STPG2: variants seen among roughly 807,000 people sequenced by gnomAD.
The protein encoded by STPG2 is sperm tail PG-rich repeat containing 2, also known as sperm-tail PG-rich repeat-containing protein 2.
In STPG2, 56 loss-of-function variants were observed where a neutral mutation model predicts 54.2. That is an observed-to-expected ratio of 1.03 (90% CI 0.83 to 1.29). The LOEUF is 1.29. Among genes scored for constraint, STPG2 ranks in the 50% most tolerant of loss-of-function variants. The pLI, the probability that STPG2 is intolerant of heterozygous loss-of-function variation, is 0.00. For missense variants in STPG2, 596 were observed against 544.9 expected, an observed-to-expected ratio of 1.09 and a Z score of -0.93; for synonymous variants, 200 against 181.8, an observed-to-expected ratio of 1.10 and a Z score of -0.81.
intron 10 of STPG2, among the ~76,000 whole-genome samples, chr4:97,568,049 T>C (rs1367179404): frequency 1.3e-5 from 2 of 152,172 alleles, no homozygotes; most frequent in African/African-American, 2.4e-5. Flanking sequence ...ATTAGAAACA[T>C]AGTGGATGCA....
intron 10 of STPG2, among the ~76,000 whole-genome samples, chr4:97,670,081 A>T (rs1303886817): frequency 2.6e-5 from 4 of 152,134 alleles, no homozygotes; most frequent in Admixed American, 2.6e-4. Context: ...TTTAAAAAAA[A>T]CCCTATCCAA....
intron 5 of STPG2, among the ~76,000 whole-genome samples, chr4:98,014,349 C>A (rs1324138638): frequency 6.6e-6 from 1 of 151,972 alleles, no homozygotes; most frequent in Non-Finnish European, 1.5e-5. Flanking sequence ...TATTATCAGT[C>A]CTGAGTCAGT....
At chr4:97,710,489 T>C (rs776788370) in intron 10 of STPG2, among the ~76,000 whole-genome samples, 3 of 152,052 alleles carry the variant, frequency 2.0e-5, no homozygotes, top group Non-Finnish European at 4.4e-5. Flanking sequence ...CATAAGACAT[T>C]AAAAATGTAT....
intron 9 of STPG2, among the ~76,000 whole-genome samples, chr4:97,840,529 C>CG (rs1292742060): frequency 6.6e-6 from 1 of 151,602 alleles, no homozygotes; most frequent in Non-Finnish European, 1.5e-5. Context: ...CCTCACATAA[C>CG]ATCATGGATG....
intron 5 of STPG2, among the ~76,000 whole-genome samples, chr4:97,996,197 C>T (rs1446812941): frequency 1.3e-5 from 2 of 152,176 alleles, no homozygotes; most frequent in African/African-American, 4.8e-5. Context: ...AACTATACTA[C>T]AAGGCTACAG....
intron 4 of STPG2, among the ~76,000 whole-genome samples, chr4:97,522,514 G>A (rs562969813): frequency 3.9e-5 from 6 of 152,028 alleles, no homozygotes; most frequent in Admixed American, 3.3e-4. Context: ...CACTATGCAA[G>A]TAATACTCAC....
Position 97,448,734 on chromosome 4 carries a change from A to T in STPG2, c.463-260901T>A, listed in dbSNP as rs147499262. 3.5e-3 allele frequency among the ~76,000 whole-genome samples: 534 copies of T among 152,120 alleles called. 3 individuals carry two copies. The highest frequency in any genetic ancestry group is 0.012 in the African/African-American group (508 of 41,488). On this transcript the variant is annotated intron_variant, in intron 4 of 4. Coordinates refer to the STPG2 transcript ENST00000522676. ...TATCAGTGTGAGAACGAACTGATACACTCACCATTTAGTAGATTATATTTT... is the reference window on the plus strand; with the variant it reads ...TATCAGTGTGAGAACGAACTGATACTCTCACCATTTAGTAGATTATATTTT...
intron 10 of STPG2, among the ~76,000 whole-genome samples, chr4:97,595,612 C>G (rs6857552): frequency 0.16 from 23,377 of 150,132 alleles, 5,317 homozygotes; most frequent in African/African-American, 0.5. Context: ...AATAAAAAAA[C>G]AAAAAAAGAA....
chr4:97,784,249 T>G (rs1371778194), intron 9 of STPG2, among the ~76,000 whole-genome samples: 1 of 152,124 alleles, frequency 6.6e-6, no homozygotes, highest in Non-Finnish European at 1.5e-5. Context: ...TTAATTGCAT[T>G]AAATTAGGTC....
intron 4 of STPG2, among the ~76,000 whole-genome samples, chr4:97,447,191 C>G (rs1052283858): frequency 6.6e-6 from 1 of 152,076 alleles, no homozygotes; most frequent in African/African-American, 2.4e-5. Flanking sequence ...TTGCTCCTGC[C>G]CTGGAAATCT....
chr4:97,652,937 C>A lies in STPG2; in HGVS notation c.1320+59762G>T, dbSNP rs544737060. ...GGGTACTAAGAGAGGAGTTTTTGTC[C>A]AAATATAATGCAGTGATTCCTCATA... On this transcript the variant is annotated intron_variant, in intron 10 of 10. Coordinates refer to ENST00000295268, the MANE Select transcript of STPG2 (RefSeq NM_174952.3). Among the ~76,000 whole-genome samples the A allele has an allele frequency of 3.3e-5, 5 of 151,950 alleles. No homozygotes were observed. The South Asian group carries it at 1.0e-3, about 32-fold the overall frequency.
chr4:97,636,654 G>C (rs992811899), intron 10 of STPG2, among the ~76,000 whole-genome samples: 3 of 151,820 alleles, frequency 2.0e-5, no homozygotes, highest in African/African-American at 7.3e-5. Flanking sequence ...AAATGATAAA[G>C]GGGATATTAC....
intron 10 of STPG2, among the ~76,000 whole-genome samples, chr4:97,591,267 A>T (rs1466909658): frequency 1.3e-5 from 2 of 152,126 alleles, no homozygotes. Context: ...TTATTTTATA[A>T]ATCAATTTCC....
chr4:97,711,164 G>A (rs1027171199), intron 10 of STPG2, among the ~76,000 whole-genome samples: 2 of 151,988 alleles, frequency 1.3e-5, no homozygotes, highest in African/African-American at 4.8e-5. Context: ...ATTATTTGTG[G>A]ATACCATTAA....
intron 4 of STPG2, among the ~76,000 whole-genome samples, chr4:97,446,637 G>A (rs1401137820): frequency 6.6e-6 from 1 of 152,120 alleles, no homozygotes; most frequent in African/African-American, 2.4e-5. Context: ...TTTCCCCTGT[G>A]CTGTTCTCAT....
intron 8 of STPG2, among the ~76,000 whole-genome samples, chr4:97,886,670 A>G (rs1320701128): frequency 6.6e-6 from 1 of 152,208 alleles, no homozygotes; most frequent in Non-Finnish European, 1.5e-5. Context: ...AACAAGTACT[A>G]TCAATCTGCT....
At chr4:98,086,291 A>C (rs756957252) in intron 5 of STPG2, among the ~76,000 whole-genome samples, 85 of 152,152 alleles carry the variant, frequency 5.6e-4, no homozygotes, top group Non-Finnish European at 1.1e-3. Context: ...CCAAGGGCCC[A>C]CAGCTAGGTA....
At chr4:97,976,490 T>C (rs1478749800) in intron 6 of STPG2, among the ~76,000 whole-genome samples, 1 of 152,108 alleles carries the variant, frequency 6.6e-6, no homozygotes, top group East Asian at 1.9e-4. Flanking sequence ...TCACTCACAT[T>C]AGAACTTTCT....
intron 4 of STPG2, among the ~76,000 whole-genome samples, chr4:97,506,078 T>C (rs2148837013): frequency 7.9e-6 from 1 of 126,264 alleles, no homozygotes; most frequent in Middle Eastern, 6.1e-3. Context: ...TCTGTGGAAA[T>C]GTAGGAGTGA....
Sources: allele counts gnomAD v4.1 joint callset (sites outside exome capture counted in the v4.1 genomes callset), GRCh38; gene constraint gnomAD v4.1.1; transcripts MANE v1.5; gene names NCBI Gene and HGNC (gene_info 2026-07-23, HGNC 2026-07-21).